Variants in GRIK3 observed in about 807,000 individuals in gnomAD.
The protein encoded by GRIK3 is glutamate receptor ionotropic, kainate 3.
Under a neutral mutation model 102.5 loss-of-function variants are expected in GRIK3, and 29 were observed. That is an observed-to-expected ratio of 0.28 (90% CI 0.21 to 0.39). GRIK3 has a LOEUF of 0.39. Among genes scored for constraint, GRIK3 ranks in the 10% least tolerant of loss-of-function variants. The probability of loss-of-function intolerance (pLI) is 1.00; values close to 1 mark genes in which losing one functional copy is unlikely to be tolerated. For missense variants in GRIK3, 908 were observed against 1,252.4 expected (o/e 0.73, Z 4.15); for synonymous variants, 511 against 504.9 (o/e 1.01, Z -0.16).
intron 1 of GRIK3, among the ~76,000 whole-genome samples, chr1:36,927,451 G>T (rs1641539497): frequency 6.6e-6 from 1 of 152,064 alleles, no homozygotes; most frequent in Admixed American, 6.6e-5. Flanking sequence ...TTTGCCGGAT[G>T]TGATGAATTT....
chr1:36,880,972 C>T lies in GRIK3; in HGVS notation c.293-81G>A, dbSNP rs1387618108. 1.4e-6 allele frequency: 2 copies of T among 1,453,112 alleles called. No homozygotes were observed. The highest frequency in any genetic ancestry group is 1.9e-6 in the Non-Finnish European group (2 of 1,080,946). 90.0% of individuals were successfully genotyped at this position (1,453,112 alleles called of 1,614,324 possible). A position where few individuals can be genotyped will look rare whatever the true frequency, so the allele number is the denominator to read the frequency against. On this transcript the variant is annotated intron_variant, in intron 2 of 15. Transcript: ENST00000373091. The surrounding 1 kb of genome is among the most constrained non-coding windows in gnomAD (Gnocchi z 5.4). ...ACAGTGATGCTGATGATCCTGTAAA[C>T]ATGTGGGAAAAACAGCAACTGGAAC...
At chr1:36,931,485 T>C (rs1641588288) in intron 1 of GRIK3, among the ~76,000 whole-genome samples, 1 of 152,250 alleles carries the variant, frequency 6.6e-6, no homozygotes, top group South Asian at 2.1e-4. Context: ...TTTGTAATTA[T>C]ACATGTATTT....
chr1:36,830,221 A>C (rs918484956), intron 10 of GRIK3, among the ~76,000 whole-genome samples: 1 of 152,196 alleles, frequency 6.6e-6, no homozygotes, highest in African/African-American at 2.4e-5. Flanking sequence ...AGATGGGGAC[A>C]AGTGGCTTAA....
chr1:36,856,238 G>GATT (rs1640649818), intron 7 of GRIK3, among the ~76,000 whole-genome samples: 1 of 152,212 alleles, frequency 6.6e-6, no homozygotes. Context: ...CACAGCAGGT[G>GATT]CCTTCAAACC....
intron 1 of GRIK3, among the ~76,000 whole-genome samples, chr1:36,935,166 G>A (rs934756577): frequency 1.3e-5 from 2 of 152,196 alleles, no homozygotes; most frequent in African/African-American, 4.8e-5. Flanking sequence ...ATGACCTCAT[G>A]AATGTTTTAT....
At chr1:36,895,211 A>C (rs1344005494) in intron 1 of GRIK3, among the ~76,000 whole-genome samples, 2 of 152,202 alleles carry the variant, frequency 1.3e-5, no homozygotes, top group Non-Finnish European at 2.9e-5. Flanking sequence ...TACCCAGTGC[A>C]TCATGTCCAG....
In GRIK3 at chr1:36,811,894, G is replaced by A. The variant is rs140162973; in HGVS notation, c.2091+5166C>T. 7.7e-3 allele frequency among the ~76,000 whole-genome samples: 1,176 copies of A among 152,248 alleles called. 15 individuals are homozygous for A. The highest frequency in any genetic ancestry group is 0.027 in the African/African-American group (1,108 of 41,530). ...TGTACAGGGGAGCAAATGGAAGCCCGGATAAGTGAAGTGACTTGCCTAAGG... is the reference window on the plus strand; with the variant it reads ...TGTACAGGGGAGCAAATGGAAGCCCAGATAAGTGAAGTGACTTGCCTAAGG... On this transcript the variant is annotated intron_variant, in intron 13 of 15. Transcript: ENST00000373091.
chr1:36,977,896 C>T (rs1457045717), intron 1 of GRIK3, among the ~76,000 whole-genome samples: 1 of 152,250 alleles, frequency 6.6e-6, no homozygotes, highest in African/African-American at 2.4e-5. Flanking sequence ...CATGTGGAGC[C>T]AACTCTGGGG....
intron 1 of GRIK3, among the ~76,000 whole-genome samples, chr1:36,943,238 G>A (rs1322627988): frequency 1.4e-5 from 2 of 146,680 alleles, no homozygotes; most frequent in East Asian, 2.0e-4. Flanking sequence ...GGTTGGGGGG[G>A]CTGGGGCAGC....
chr1:36,955,722 G>T lies in GRIK3; in HGVS notation c.116-64626C>A, dbSNP rs2124339467. Among the ~76,000 whole-genome samples the T allele has an allele frequency of 2.0e-5, 3 of 152,362 alleles. No individual in the cohort carries two copies. The South Asian group carries it at 6.2e-4, about 32-fold the overall frequency. On this transcript the variant is annotated intron_variant, in intron 1 of 15. Coordinates refer to ENST00000373091, the MANE Select transcript of GRIK3 (RefSeq NM_000831.4). ...GAAACACCCTGGCACATGCTGTGTA[G>T]ACAAAGACACAACCAGCACACCAAG... is the stretch of plus-strand genomic sequence containing the variant.
chr1:36,952,876 G>C (rs1029439482), intron 1 of GRIK3, among the ~76,000 whole-genome samples: 5 of 152,188 alleles, frequency 3.3e-5, no homozygotes, highest in African/African-American at 1.2e-4. Context: ...ATCTGGAGGA[G>C]AGGGAACGAG....
At chr1:36,856,830 G>A (rs1640658273) in intron 7 of GRIK3, among the ~76,000 whole-genome samples, 1 of 152,136 alleles carries the variant, frequency 6.6e-6, no homozygotes, top group Non-Finnish European at 1.5e-5. Context: ...TCCAAGGGTT[G>A]AGGGGCAAAG....
intron 1 of GRIK3, among the ~76,000 whole-genome samples, chr1:36,991,886 T>A (rs913336417): frequency 5.3e-5 from 8 of 152,362 alleles, no homozygotes; most frequent in African/African-American, 1.9e-4. Flanking sequence ...AGGCTGTGAC[T>A]GATGGACAAG....
intron 1 of GRIK3, among the ~76,000 whole-genome samples, chr1:36,974,661 G>A (rs1445463787): frequency 3.0e-4 from 46 of 152,078 alleles, no homozygotes; most frequent in Admixed American, 2.2e-3. Context: ...TTAGCCGGGC[G>A]TGGTGGTGGG....
chr1:36,933,737 A>T (rs1334801), intron 1 of GRIK3, among the ~76,000 whole-genome samples: 127,252 of 151,862 alleles, frequency 0.84, 53,760 homozygotes, highest in Admixed American at 0.9. Flanking sequence ...GCAAGGTATG[A>T]TAGAAGGCAC....
intron 13 of GRIK3, among the ~76,000 whole-genome samples, chr1:36,809,029 C>A (rs1467350789): frequency 6.6e-6 from 1 of 152,196 alleles, no homozygotes; most frequent in Admixed American, 6.5e-5. Context: ...TCCTTTCCAT[C>A]CTTGTCTCTT....
intron 7 of GRIK3, among the ~76,000 whole-genome samples, chr1:36,856,213 G>C (rs1047668887): frequency 6.6e-6 from 1 of 152,198 alleles, no homozygotes; most frequent in African/African-American, 2.4e-5. Context: ...CTATCTCTTG[G>C]CCCCCAGGGG....
chr1:36,882,229 T>A (rs924729150), intron 2 of GRIK3, among the ~76,000 whole-genome samples: 5 of 152,190 alleles, frequency 3.3e-5, no homozygotes, highest in Non-Finnish European at 7.3e-5. Context: ...TGCCGAATCA[T>A]CATCTGAATG....
chr1:36,881,019 T>A, intron 2 of GRIK3, 128 bp from the exon 3 acceptor site: 2 of 956,866 alleles, frequency 2.1e-6, no homozygotes. Flanking sequence ...GCACAATGGA[T>A]GAGCTCTCTG....
Sources: allele counts gnomAD v4.1 joint callset (sites outside exome capture counted in the v4.1 genomes callset), GRCh38; gene constraint gnomAD v4.1.1; non-coding constraint Gnocchi (gnomAD v3.1); transcripts MANE v1.5; gene names NCBI Gene and HGNC (gene_info 2026-07-23, HGNC 2026-07-21).